Variants in RNF220 observed in about 807,000 individuals in gnomAD.
RNF220 encodes E3 ubiquitin-protein ligase RNF220.
Under a neutral mutation model 67.1 loss-of-function variants are expected in RNF220, and 7 were observed. The observed-to-expected ratio is 0.10, with a 90% confidence interval of 0.06 to 0.20. RNF220 has a LOEUF of 0.20. Among genes scored for constraint, RNF220 ranks in the 10% least tolerant of loss-of-function variants. The probability of loss-of-function intolerance (pLI) is 1.00; values close to 1 mark genes in which losing one functional copy is unlikely to be tolerated. For synonymous variants in RNF220, 270 were observed against 283.2 expected (o/e 0.95, Z 0.47); for missense variants, 565 against 740.3 (o/e 0.76, Z 2.75).
At position 44,622,529 on chromosome 1, in the gene RNF220, G is replaced by A. The variant is rs902775937; in HGVS notation, c.759-213G>A. Among the ~76,000 whole-genome samples, 7 of 152,210 alleles carry A rather than the reference G, an allele frequency of 4.6e-5. No homozygotes were observed. Among genetic ancestry groups the A allele is most frequent in the Non-Finnish European group, 1.0e-4 (7 of 68,018 alleles). On this transcript the variant is annotated intron_variant, in intron 3 of 14. Transcript: ENST00000361799. This position sits in a 1 kb window ranked among gnomAD's most constrained non-coding sequence, Gnocchi z 4.3. ...GTCTGTGTCTCCCTCCCAGGGGCCA[G>A]CACTAGCCCTTGGCCCAAGAGAGAG...
chr1:44,524,271 C>A (rs911801246), intron 2 of RNF220, among the ~76,000 whole-genome samples: 1 of 152,122 alleles, frequency 6.6e-6, no homozygotes, highest in Non-Finnish European at 1.5e-5. Flanking sequence ...CCTCTGCTGG[C>A]CAGATAATTA....
At chr1:44,479,074 C>T (rs1318263901) in intron 2 of RNF220, among the ~76,000 whole-genome samples, 2 of 151,750 alleles carry the variant, frequency 1.3e-5, no homozygotes, top group Admixed American at 1.3e-4. Context: ...TCCGTTGGAG[C>T]AGGCAGTCTT....
In RNF220 at chr1:44,614,191, G is replaced by A. The variant is rs765613351; in HGVS notation, c.652G>A (p.Asp218Asn). 23 of 1,614,032 alleles carry A rather than the reference G, an allele frequency of 1.4e-5. No individual in the cohort carries two copies. The highest frequency in any genetic ancestry group is 2.2e-5 in the East Asian group (1 of 44,896). The change falls in exon 3 of 15, where the codon GAC (aspartate) becomes AAC (asparagine). Residue 218 changes from aspartate to asparagine, a missense_variant. Physicochemically the swap from Asp to Asn is conservative, Grantham distance 23 (BLOSUM62 1). Coordinates refer to ENST00000361799, the MANE Select transcript of RNF220 (RefSeq NM_018150.4). The stretch of plus-strand genomic sequence containing the variant: ...TAAGAAGAAAGCAGCGGCATTGTTC[G>A]ACAGCCAGGCCCCAATTTGCCCCAT... The part of the protein sequence containing the change: ...RCKKKAAALF[D>N]SQAPICPICQ...
intron 2 of RNF220, among the ~76,000 whole-genome samples, chr1:44,524,107 G>A (rs1157634489): frequency 6.6e-5 from 10 of 151,616 alleles, no homozygotes; most frequent in Admixed American, 6.6e-4. Context: ...TGTGAATGGG[G>A]GGATGCTGGA....
intron 2 of RNF220, among the ~76,000 whole-genome samples, chr1:44,582,087 G>A (rs962790921): frequency 6.6e-6 from 1 of 152,160 alleles, no homozygotes; most frequent in African/African-American, 2.4e-5. Context: ...TTTGTTTGAT[G>A]GGAGTCACCA....
intron 2 of RNF220, among the ~76,000 whole-genome samples, chr1:44,485,287 A>G (rs535808825): frequency 6.6e-5 from 10 of 152,234 alleles, no homozygotes; most frequent in South Asian, 2.1e-4. Flanking sequence ...CCTCCCCCCA[A>G]TCTCCTGCGC....
Position 44,595,552 on chromosome 1 carries a change from G to A in RNF220, c.626-18613G>A, listed in dbSNP as rs1167671118. 3.9e-5 allele frequency among the ~76,000 whole-genome samples: 6 copies of A among 152,028 alleles called. No homozygotes were observed. The South Asian group carries it at 6.2e-4, about 16-fold the overall frequency. ...AAGAAGACAGGATCAGTAAGCAGGT[G>A]TTTTCTCAGGGACATGATGCTCAGA... On this transcript the variant is annotated intron_variant, in intron 2 of 14. Coordinates refer to ENST00000361799, the MANE Select transcript of RNF220 (RefSeq NM_018150.4).
At chr1:44,646,003 G>T (rs1644635154) in intron 12 of RNF220, among the ~76,000 whole-genome samples, 1 of 152,236 alleles carries the variant, frequency 6.6e-6, no homozygotes, top group East Asian at 1.9e-4. Context: ...CCCTGGCCTG[G>T]ATCCCTGGGA....
chr1:44,418,307 C>T (rs1648812079), intron 2 of RNF220, among the ~76,000 whole-genome samples: 1 of 152,148 alleles, frequency 6.6e-6, no homozygotes, highest in Non-Finnish European at 1.5e-5. Flanking sequence ...GGAGGTTGGA[C>T]GTGTGTACAG....
At chr1:44,631,909 G>T (rs1384527182) in intron 5 of RNF220, 38 of 986,100 alleles carry the variant, frequency 3.9e-5, no homozygotes, top group Admixed American at 6.1e-5. Flanking sequence ...CTGTCCGGCC[G>T]CCCCCGCCGC....
chr1:44,505,636 G>A (rs1373245282), intron 2 of RNF220, among the ~76,000 whole-genome samples: 1 of 152,334 alleles, frequency 6.6e-6, no homozygotes, highest in Middle Eastern at 3.4e-3. Context: ...GGTACATGCG[G>A]GTAGCACCAG....
At chr1:44,589,022 C>T (rs1266731763) in intron 2 of RNF220, among the ~76,000 whole-genome samples, 1 of 152,230 alleles carries the variant, frequency 6.6e-6, no homozygotes, top group African/African-American at 2.4e-5. Flanking sequence ...CTCTGAGGGG[C>T]CCCCTGGCTC....
chr1:44,552,255 G>T (rs116557858), intron 2 of RNF220, among the ~76,000 whole-genome samples: 1 of 152,200 alleles, frequency 6.6e-6, no homozygotes, highest in South Asian at 2.1e-4. Context: ...GTGGCGGCTC[G>T]TGCCTGTAAG....
At chr1:44,484,505 C>T (rs1287025585) in intron 2 of RNF220, among the ~76,000 whole-genome samples, 1 of 152,078 alleles carries the variant, frequency 6.6e-6, no homozygotes, top group East Asian at 1.9e-4. Flanking sequence ...GCCACAGGAT[C>T]CCCCTGTGGC....
At chr1:44,597,511 C>T (rs1230647668) in intron 2 of RNF220, among the ~76,000 whole-genome samples, 1 of 128,212 alleles carries the variant, frequency 7.8e-6, no homozygotes, top group African/African-American at 2.9e-5. Context: ...CACACACACA[C>T]GAACCTCCCT....
intron 2 of RNF220, among the ~76,000 whole-genome samples, chr1:44,518,845 A>G (rs1332466429): frequency 6.6e-6 from 1 of 151,970 alleles, no homozygotes; most frequent in Admixed American, 6.6e-5. Flanking sequence ...ACTTTCCTCT[A>G]GCCTGGGCAA....
chr1:44,479,544 C>T (rs549733345), intron 2 of RNF220, among the ~76,000 whole-genome samples: 1 of 152,216 alleles, frequency 6.6e-6, no homozygotes, highest in Admixed American at 6.5e-5. Context: ...TAGAACCTTG[C>T]TCTTAAGTTT....
chr1:44,608,610 T>C (rs1369037996), intron 2 of RNF220, among the ~76,000 whole-genome samples: 6 of 152,254 alleles, frequency 3.9e-5, no homozygotes, highest in Non-Finnish European at 8.8e-5. Flanking sequence ...ATGTGTAGTA[T>C]TGACCTACAG....
intron 2 of RNF220, among the ~76,000 whole-genome samples, chr1:44,488,387 C>T (rs190285178): frequency 8.5e-4 from 130 of 152,334 alleles, no homozygotes; most frequent in African/African-American, 3.1e-3. Flanking sequence ...CCTCAGCCCC[C>T]CAAAGTGCTG....
Sources: gnomAD v4.1 joint callset for allele counts (sites outside exome capture counted in the v4.1 genomes callset) on GRCh38, gnomAD v4.1.1 for gene constraint, Gnocchi (gnomAD v3.1) non-coding constraint, MANE v1.5 for transcripts, NCBI Gene and HGNC (gene_info 2026-07-23, HGNC 2026-07-21) for gene names.